Variants in MEI4 observed in about 807,000 individuals in gnomAD.
MEI4 encodes the protein meiotic double-stranded break formation protein 4, also known as meiosis-specific protein MEI4.
In MEI4, 27 loss-of-function variants were observed where a neutral mutation model predicts 31.4. The ratio of observed to expected loss-of-function variants is 0.86; its 90% CI spans 0.63 to 1.19. The LOEUF (loss-of-function observed/expected upper bound fraction) is 1.19. Ranked by LOEUF, MEI4 falls within the 50% of genes most tolerant of loss-of-function variation. The pLI is 0.00. For synonymous variants in MEI4, 122 were observed against 145.4 expected, an observed-to-expected ratio of 0.84 and a Z score of 1.16; for missense variants, 329 against 398.9, an observed-to-expected ratio of 0.82 and a Z score of 1.49.
At chr6:77,827,172 A>G (rs1306041681) in intron 3 of MEI4, among the ~76,000 whole-genome samples, 4 of 151,926 alleles carry the variant, frequency 2.6e-5, no homozygotes, top group Non-Finnish European at 5.9e-5. Context: ...CATCCTGGCT[A>G]ACACGGTGAA....
intron 3 of MEI4, among the ~76,000 whole-genome samples, chr6:77,787,518 C>G (rs1372581302): frequency 2.0e-5 from 3 of 152,132 alleles, no homozygotes; most frequent in African/African-American, 7.2e-5. Context: ...AGTGCAATCC[C>G]AGGTGCAATT....
intron 4 of MEI4, among the ~76,000 whole-genome samples, chr6:77,848,900 T>TG (rs1770548194): frequency 6.6e-6 from 1 of 152,258 alleles, no homozygotes; most frequent in Admixed American, 6.5e-5. Context: ...GTTCTTACTA[T>TG]GGGGGAAGTG....
chr6:77,691,388 C>T (rs1391935925), intron 2 of MEI4, among the ~76,000 whole-genome samples: 2 of 151,954 alleles, frequency 1.3e-5, no homozygotes, highest in Non-Finnish European at 2.9e-5. Context: ...ATAATAGAGA[C>T]TGACAAAATA....
At chr6:77,893,359 A>G (rs9352540) in intron 4 of MEI4, among the ~76,000 whole-genome samples, 2,873 of 152,270 alleles carry the variant, frequency 0.019, 62 homozygotes, top group East Asian at 0.087. Flanking sequence ...CCCAGAATGT[A>G]TTTAGTTGTA....
At chr6:77,744,036 A>G (rs959067173) in intron 2 of MEI4, among the ~76,000 whole-genome samples, 1 of 152,146 alleles carries the variant, frequency 6.6e-6, no homozygotes, top group Middle Eastern at 3.2e-3. Context: ...GAGCAGAAAA[A>G]CTGGAAACTC....
intron 3 of MEI4, among the ~76,000 whole-genome samples, chr6:77,809,336 T>C (rs1513015): frequency 0.01 from 1,565 of 152,254 alleles, 26 homozygotes; most frequent in African/African-American, 0.036. Context: ...AAAAATAGTT[T>C]AGTGGAGTGG....
intron 1 of MEI4, among the ~76,000 whole-genome samples, chr6:77,690,357 G>A (rs952973393): frequency 1.3e-5 from 2 of 151,956 alleles, no homozygotes; most frequent in Admixed American, 6.6e-5. Flanking sequence ...ATTCTGATAC[G>A]TTTCTCTGGT....
At chr6:77,746,038 C>G (rs143629831) in intron 2 of MEI4, among the ~76,000 whole-genome samples, 1 of 152,034 alleles carries the variant, frequency 6.6e-6, no homozygotes, top group East Asian at 1.9e-4. Flanking sequence ...AAAATTGACA[C>G]CCTAACATCA....
intron 4 of MEI4, among the ~76,000 whole-genome samples, chr6:77,893,799 G>C (rs1253731730): frequency 6.6e-6 from 1 of 152,004 alleles, no homozygotes; most frequent in African/African-American, 2.4e-5. Flanking sequence ...CAGATAAATT[G>C]CCCCAGCTGT....
chr6:77,715,609 C>T (rs1164490839), intron 2 of MEI4, among the ~76,000 whole-genome samples: 2 of 152,124 alleles, frequency 1.3e-5, no homozygotes, highest in East Asian at 3.9e-4. Flanking sequence ...ATAGACTCTG[C>T]AGAATCAAGC....
intron 2 of MEI4, among the ~76,000 whole-genome samples, chr6:77,742,219 T>C (rs1010000023): frequency 6.6e-5 from 10 of 151,826 alleles, no homozygotes; most frequent in African/African-American, 2.4e-4. Flanking sequence ...AGGGTTGAAC[T>C]AGTTTACAGT....
Position 77,730,989 on chromosome 6 carries a change from G to A in MEI4, c.233-30141G>A, listed in dbSNP as rs1048718128. The stretch of plus-strand genomic sequence containing the variant: ...TTTTTATGGCTGCATAGTATTCCAT[G>A]GTGTATATGTGCCACATTTTCTTAA... On this transcript the variant is annotated intron_variant, in intron 2 of 4. Coordinates refer to ENST00000684080, the MANE Select transcript of MEI4 (RefSeq NM_001322247.2). Among the ~76,000 whole-genome samples, 5 of 151,686 alleles carry A rather than the reference G, an allele frequency of 3.3e-5. 1 individual carries two copies. The highest frequency in any genetic ancestry group is 4.9e-5 in the African/African-American group (2 of 41,160).
intron 4 of MEI4, among the ~76,000 whole-genome samples, chr6:77,898,055 T>C (rs1562030074): frequency 6.6e-6 from 1 of 152,184 alleles, no homozygotes; most frequent in South Asian, 2.1e-4. Context: ...AACTTGCATG[T>C]GATTTTTTGA....
At chr6:77,801,206 C>T (rs1238166961) in intron 3 of MEI4, among the ~76,000 whole-genome samples, 1 of 152,110 alleles carries the variant, frequency 6.6e-6, no homozygotes, top group Non-Finnish European at 1.5e-5. Context: ...CAACTTCTTC[C>T]TGGTTTAGTC....
intron 4 of MEI4, among the ~76,000 whole-genome samples, chr6:77,904,341 A>T (rs945564185): frequency 6.6e-6 from 1 of 152,054 alleles, no homozygotes; most frequent in Non-Finnish European, 1.5e-5. Context: ...CAGGGAGTAC[A>T]TGTGCAGTTT....
intron 2 of MEI4, among the ~76,000 whole-genome samples, chr6:77,733,484 C>T (rs1423365046): frequency 2.6e-5 from 4 of 151,912 alleles, no homozygotes; most frequent in Non-Finnish European, 5.9e-5. Flanking sequence ...TCCCGTTTAT[C>T]ATTTTTTATT....
chr6:77,663,340 T>C (rs1768549494), intron 1 of MEI4, among the ~76,000 whole-genome samples: 1 of 151,742 alleles, frequency 6.6e-6, no homozygotes. Flanking sequence ...TTTAATGAGA[T>C]GGTAAGGGGT....
At chr6:77,664,205 G>C (rs1768575320) in intron 1 of MEI4, among the ~76,000 whole-genome samples, 1 of 152,166 alleles carries the variant, frequency 6.6e-6, no homozygotes. Flanking sequence ...GGGTTTGAGG[G>C]CCGGAATTTA....
chr6:77,786,073 C>A lies in MEI4; in HGVS notation c.768+24408C>A, dbSNP rs982417015. ...AAATGCCTTTCAGGTATCCACTATT[C>A]CTGTTTAAAAAAATTAAAATAAAAA... On this transcript the variant is annotated intron_variant, in intron 3 of 4. Transcript: ENST00000684080. Among the ~76,000 whole-genome samples the A allele has an allele frequency of 2.0e-5, 3 of 151,900 alleles. No individual in the cohort carries two copies. In the East Asian group the frequency reaches 5.8e-4, roughly 29 times the overall value.
Sources: gnomAD v4.1 joint callset for allele counts (sites outside exome capture counted in the v4.1 genomes callset) on GRCh38, gnomAD v4.1.1 for gene constraint, MANE v1.5 for transcripts, NCBI Gene and HGNC (gene_info 2026-07-23, HGNC 2026-07-21) for gene names.